Variants in CMC1 observed in about 807,000 individuals in gnomAD.
CMC1 encodes C-X9-C motif containing 1, also known as COX assembly mitochondrial protein homolog.
A neutral mutation model predicts 14.1 loss-of-function variants in CMC1; 14 were observed. That is an observed-to-expected ratio of 0.99 (90% CI 0.66 to 1.55). The LOEUF (loss-of-function observed/expected upper bound fraction) is 1.55. CMC1 is among the 40% of genes most tolerant of loss of function. The pLI is 0.00. For missense variants in CMC1, 127 were observed against 123.8 expected, an observed-to-expected ratio of 1.03 and a Z score of -0.12; for synonymous variants, 50 against 38.4, an observed-to-expected ratio of 1.30 and a Z score of -1.12.
intron 2 of CMC1, among the ~76,000 whole-genome samples, chr3:28,308,981 C>CAA (rs750800906): frequency 3.3e-5 from 1 of 30,288 alleles, no homozygotes; most frequent in African/African-American, 6.5e-5. Flanking sequence ...GACTCCGTCT[C>CAA]AAAAAAAAAT....
intron 2 of CMC1, among the ~76,000 whole-genome samples, chr3:28,283,551 C>CAAAAAAAAAAAA (rs5847510): frequency 1.7e-4 from 20 of 118,200 alleles, no homozygotes; most frequent in African/African-American, 4.4e-4. Context: ...ACAACAAAAA[C>CAAAAAAAAAAAA]AAAAAAAAAA....
At chr3:28,271,950 A>T (rs183195003) in intron 2 of CMC1, among the ~76,000 whole-genome samples, 1 of 152,018 alleles carries the variant, frequency 6.6e-6, no homozygotes, top group African/African-American at 2.4e-5. Flanking sequence ...TTCCTTGTAA[A>T]CTGTATTCCT....
chr3:28,256,940 T>TA (rs1221416817), intron 1 of CMC1, among the ~76,000 whole-genome samples: 8 of 152,124 alleles, frequency 5.3e-5, no homozygotes, highest in African/African-American at 1.4e-4. Flanking sequence ...AAGGACAACA[T>TA]AAAAAATCAA....
At chr3:28,268,739 AG>A (rs2125478030) in intron 2 of CMC1, among the ~76,000 whole-genome samples, 1 of 152,344 alleles carries the variant, frequency 6.6e-6, no homozygotes, top group South Asian at 2.1e-4. Flanking sequence ...ACATAATAAA[AG>A]TTACTTAGCA....
At chr3:28,242,070 T>A (rs957124800) in intron 1 of CMC1, among the ~76,000 whole-genome samples, 1 of 152,240 alleles carries the variant, frequency 6.6e-6, no homozygotes, top group Admixed American at 6.5e-5. Flanking sequence ...GCGACTAGTC[T>A]CTTCATTGTC....
intron 1 of CMC1, among the ~76,000 whole-genome samples, chr3:28,251,486 C>T (rs751682047): frequency 2.0e-5 from 3 of 152,144 alleles, no homozygotes; most frequent in Admixed American, 6.5e-5. Context: ...CAGATTTCAA[C>T]ATGAGATTTG....
At chr3:28,305,564 C>T (rs1215435456) in intron 2 of CMC1, among the ~76,000 whole-genome samples, 1 of 152,012 alleles carries the variant, frequency 6.6e-6, no homozygotes, top group Non-Finnish European at 1.5e-5. Context: ...TCCTCAACAA[C>T]ATCTCTTAGT....
intron 1 of CMC1, among the ~76,000 whole-genome samples, chr3:28,249,563 T>C (rs1440151682): frequency 6.6e-6 from 1 of 152,216 alleles, no homozygotes; most frequent in Non-Finnish European, 1.5e-5. Flanking sequence ...TATAATTATT[T>C]GGGGAGCCTT....
At position 28,250,295 on chromosome 3, in the gene CMC1, C is replaced by G. The variant is rs1485475605; in HGVS notation, c.19+8483C>G. 3.3e-5 allele frequency among the ~76,000 whole-genome samples: 5 copies of G among 152,100 alleles called. No homozygotes were observed. In the East Asian group the frequency reaches 9.6e-4, roughly 29 times the overall value. ...TTGGGGTTAGAGGAAGGAGAAATCA[C>G]TTTTTAGTGCTGGAGGTCAGGAAGA... On this transcript the variant is annotated intron_variant, in intron 1 of 3. Coordinates refer to ENST00000466830, the MANE Select transcript of CMC1 (RefSeq NM_182523.2).
chr3:28,248,628 G>A (rs1698953821), intron 1 of CMC1, among the ~76,000 whole-genome samples: 1 of 152,008 alleles, frequency 6.6e-6, no homozygotes, highest in African/African-American at 2.4e-5. Flanking sequence ...TTAATTTTTT[G>A]TTTGGGGTGT....
At chr3:28,262,021 C>T (rs1699761827) in intron 1 of CMC1, among the ~76,000 whole-genome samples, 3 of 152,208 alleles carry the variant, frequency 2.0e-5, no homozygotes, top group Middle Eastern at 3.4e-3. Flanking sequence ...ATTTTAGTTC[C>T]TATATATCTG....
At chr3:28,305,273 C>T (rs1702249872) in intron 2 of CMC1, among the ~76,000 whole-genome samples, 1 of 152,142 alleles carries the variant, frequency 6.6e-6, no homozygotes, top group Non-Finnish European at 1.5e-5. Context: ...GTTTTTATGG[C>T]TGTGTAGTAT....
At chr3:28,303,105 G>T (rs977674017) in intron 2 of CMC1, among the ~76,000 whole-genome samples, 31 of 152,246 alleles carry the variant, frequency 2.0e-4, no homozygotes, top group African/African-American at 6.7e-4. Flanking sequence ...ACTTGATCGT[G>T]TTTTTGTACA....
intron 2 of CMC1, among the ~76,000 whole-genome samples, chr3:28,295,135 G>A (rs941939053): frequency 6.6e-6 from 1 of 152,114 alleles, no homozygotes; most frequent in Non-Finnish European, 1.5e-5. Context: ...AAGTGTGTAA[G>A]CCATTTTTAA....
chr3:28,299,406 T>A (rs1459340734), intron 2 of CMC1, among the ~76,000 whole-genome samples: 2 of 152,146 alleles, frequency 1.3e-5, no homozygotes, highest in Non-Finnish European at 2.9e-5. Context: ...TCAGTGATGT[T>A]AACTGAACCA....
intron 1 of CMC1, among the ~76,000 whole-genome samples, chr3:28,249,069 C>A (rs1345178490): frequency 6.6e-6 from 1 of 152,164 alleles, no homozygotes; most frequent in Non-Finnish European, 1.5e-5. Context: ...GGATTACAGG[C>A]GTGAGCCACT....
At position 28,323,645 on chromosome 3, in the gene CMC1, T is replaced by C. The variant is rs1703264332; in HGVS notation, c.*4016T>C. ...ATTGCCATTTGTTCCATTATGCAAT[T>C]TGAAGAAACATGTTTTCCTTTTATT... On this transcript the variant is annotated 3_prime_UTR_variant, in exon 4 of 4. Coordinates refer to ENST00000466830, the MANE Select transcript of CMC1 (RefSeq NM_182523.2). 1 of 156,362 alleles carries C rather than the reference T, an allele frequency of 6.4e-6. No homozygotes were observed. Among genetic ancestry groups the C allele is most frequent in the South Asian group, 2.0e-4 (1 of 5,044 alleles). 9.7% of individuals were successfully genotyped at this position (156,362 alleles called of 1,614,324 possible). A position where few individuals can be genotyped will look rare whatever the true frequency, so the allele number is the denominator to read the frequency against.
At chr3:28,259,847 G>A (rs1225221262) in intron 1 of CMC1, among the ~76,000 whole-genome samples, 3 of 141,928 alleles carry the variant, frequency 2.1e-5, no homozygotes, top group Admixed American at 1.4e-4. Flanking sequence ...CAGTTTTTAC[G>A]TGTACTCATA....
chr3:28,291,362 C>T lies in CMC1; in HGVS notation c.110-24971C>T, dbSNP rs142137198. 2.0e-3 allele frequency among the ~76,000 whole-genome samples: 301 copies of T among 152,162 alleles called. 1 individual carries two copies. Among genetic ancestry groups the T allele is most frequent in the Middle Eastern group, 3.4e-3 (1 of 294 alleles). ...CCTTGGTTTTCTCTGTTTGCATTAA[C>T]CTTTTTTTCCCCTCTATATTTACTG... On this transcript the variant is annotated intron_variant, in intron 2 of 3. Transcript: ENST00000466830.
Sources: allele counts gnomAD v4.1 joint callset (sites outside exome capture counted in the v4.1 genomes callset), GRCh38; gene constraint gnomAD v4.1.1; transcripts MANE v1.5; gene names NCBI Gene and HGNC (gene_info 2026-07-23, HGNC 2026-07-21).